The following EYS variants were observed in gnomAD, a reference collection of about 807,000 sequenced individuals.
The protein encoded by EYS is protein eyes shut homolog.
Under a neutral mutation model 282.1 loss-of-function variants are expected in EYS, and 250 were observed. The ratio of observed to expected loss-of-function variants is 0.89; its 90% CI spans 0.80 to 0.98. The LOEUF (loss-of-function observed/expected upper bound fraction) is 0.98, where lower values mean the gene tolerates loss of function less well. Ranked by LOEUF, EYS falls within the 50% of genes least tolerant of loss-of-function variation. The probability of loss-of-function intolerance (pLI) is 0.00; values close to 1 mark genes in which losing one functional copy is unlikely to be tolerated. For synonymous variants in EYS, 1,355 were observed against 1,282.9 expected (o/e 1.06, Z -1.20); for missense variants, 4,016 against 3,709.0 (o/e 1.08, Z -2.15).
chr6:64,723,575 A>C (rs1771656568), intron 22 of EYS, among the ~76,000 whole-genome samples: 2 of 152,176 alleles, frequency 1.3e-5, no homozygotes, highest in Admixed American at 1.3e-4. Flanking sequence ...TTGCTGATGC[A>C]AGAACTCTTC....
chr6:64,165,536 T>C (rs1389160383), intron 31 of EYS, among the ~76,000 whole-genome samples: 2 of 152,256 alleles, frequency 1.3e-5, no homozygotes, highest in African/African-American at 4.8e-5. Context: ...CTTCAGAGCT[T>C]GACTATTACA....
chr6:65,077,008 A>G (rs1405868371), intron 12 of EYS, among the ~76,000 whole-genome samples: 2 of 152,032 alleles, frequency 1.3e-5, no homozygotes, highest in Non-Finnish European at 1.5e-5. Context: ...AGTATAGTAC[A>G]CACTAAACTA....
At chr6:63,851,386 C>T (rs1772245837) in intron 36 of EYS, among the ~76,000 whole-genome samples, 1 of 152,178 alleles carries the variant, frequency 6.6e-6, no homozygotes, top group African/African-American at 2.4e-5. Context: ...CTCAGCACCA[C>T]ATCACACTTA....
intron 1 of EYS, among the ~76,000 whole-genome samples, chr6:65,695,551 T>A (rs1023182229): frequency 1.3e-5 from 2 of 151,882 alleles, no homozygotes; most frequent in African/African-American, 4.8e-5. Flanking sequence ...ATGGTAGAAG[T>A]CAGTGAAGGA....
intron 31 of EYS, among the ~76,000 whole-genome samples, chr6:64,157,710 C>T (rs977732495): frequency 1.3e-5 from 2 of 152,118 alleles, no homozygotes; most frequent in African/African-American, 4.8e-5. Context: ...GTTGAGCCTG[C>T]GAATGCACAG....
chr6:64,135,212 CTT>C (rs56780670), intron 31 of EYS, among the ~76,000 whole-genome samples: 4 of 147,042 alleles, frequency 2.7e-5, no homozygotes, highest in African/African-American at 9.8e-5. Context: ...AGTAGTGGTG[CTT>C]TTTTTTTTAA....
intron 36 of EYS, among the ~76,000 whole-genome samples, chr6:63,819,923 T>C (rs1203666202): frequency 1.3e-5 from 2 of 152,310 alleles, no homozygotes; most frequent in African/African-American, 4.8e-5. Flanking sequence ...CCTGGGATTA[T>C]ATCAGGGGTC....
chr6:65,108,938 T>A (rs1775125339), intron 12 of EYS, among the ~76,000 whole-genome samples: 1 of 152,078 alleles, frequency 6.6e-6, no homozygotes. Context: ...TACTTGAAAG[T>A]TCACTTTCTT....
chr6:64,055,453 A>G (rs1356216338), intron 33 of EYS, among the ~76,000 whole-genome samples: 1 of 152,192 alleles, frequency 6.6e-6, no homozygotes, highest in African/African-American at 2.4e-5. Context: ...AACATGTAAG[A>G]TCCTTTGTAG....
At chr6:63,805,759 T>A (rs1476359288) in intron 37 of EYS, among the ~76,000 whole-genome samples, 2 of 152,244 alleles carry the variant, frequency 1.3e-5, no homozygotes, top group East Asian at 3.9e-4. Context: ...TCTCAGGAGA[T>A]CTGATGGTTT....
intron 11 of EYS, among the ~76,000 whole-genome samples, chr6:65,307,545 A>G (rs1351498550): frequency 1.4e-5 from 2 of 143,110 alleles, no homozygotes; most frequent in Non-Finnish European, 3.1e-5. Flanking sequence ...GAGAAGTGAT[A>G]GTCCCTAAAC....
At chr6:65,140,676 G>T (rs1262774220) in intron 12 of EYS, among the ~76,000 whole-genome samples, 1 of 151,820 alleles carries the variant, frequency 6.6e-6, no homozygotes, top group African/African-American at 2.4e-5. Context: ...CAAAAAGTGG[G>T]CAAAGGATAT....
chr6:64,025,140 C>T (rs1049543693), intron 33 of EYS, among the ~76,000 whole-genome samples: 1 of 152,118 alleles, frequency 6.6e-6, no homozygotes, highest in Non-Finnish European at 1.5e-5. Context: ...CACCTGTCAG[C>T]CAGTTAAAAG....
At chr6:64,479,367 A>G (rs573896897) in intron 26 of EYS, among the ~76,000 whole-genome samples, 5 of 152,046 alleles carry the variant, frequency 3.3e-5, no homozygotes, top group African/African-American at 9.6e-5. Context: ...TAAAATTCAA[A>G]CTATTTAGCA....
chr6:65,047,114 A>T (rs534302319), intron 13 of EYS, among the ~76,000 whole-genome samples: 4 of 151,364 alleles, frequency 2.6e-5, no homozygotes, highest in Non-Finnish European at 4.4e-5. Flanking sequence ...TTTTTTTATA[A>T]ACTACCCAGT....
intron 22 of EYS, among the ~76,000 whole-genome samples, chr6:64,660,592 AACAG>A (rs1266056371): frequency 4.6e-5 from 7 of 152,178 alleles, no homozygotes; most frequent in Non-Finnish European, 8.8e-5. Flanking sequence ...ATACTCCAAT[AACAG>A]ACAGACAGAG....
intron 12 of EYS, among the ~76,000 whole-genome samples, chr6:65,138,719 G>A (rs1776093352): frequency 6.6e-6 from 1 of 151,936 alleles, no homozygotes; most frequent in Admixed American, 6.6e-5. Context: ...ACCCCCAAAT[G>A]CCTGCTTTAA....
intron 40 of EYS, among the ~76,000 whole-genome samples, chr6:63,772,459 A>G (rs561936650): frequency 3.7e-4 from 56 of 152,258 alleles, no homozygotes; most frequent in African/African-American, 1.3e-3. Flanking sequence ...TATGTGTTAT[A>G]TAAATATAAT....
At chr6:64,853,822 A>G (rs1422173222) in intron 19 of EYS, among the ~76,000 whole-genome samples, 1 of 152,048 alleles carries the variant, frequency 6.6e-6, no homozygotes, top group African/African-American at 2.4e-5. Context: ...AACCTACAGA[A>G]TGGGAGAAAA....
Sources: allele counts gnomAD v4.1 joint callset (sites outside exome capture counted in the v4.1 genomes callset), GRCh38; gene constraint gnomAD v4.1.1; transcripts MANE v1.5; gene names NCBI Gene and HGNC (gene_info 2026-07-23, HGNC 2026-07-21).